Variants in LINGO2 observed in about 807,000 individuals in gnomAD.
LINGO2 encodes the protein leucine rich repeat and Ig domain containing 2, also known as leucine-rich repeat and immunoglobulin-like domain-containing nogo receptor-interacting protein 2.
LINGO2 carries 14 observed loss-of-function variants against 30.6 expected under a neutral mutation model. The observed-to-expected ratio is 0.46, with a 90% CI of 0.30 to 0.72. LINGO2 has a LOEUF of 0.72. LINGO2 is among the 30% of genes least tolerant of loss of function. The pLI is 0.07. For missense variants in LINGO2, 729 were observed against 751.7 expected, an observed-to-expected ratio of 0.97 and a Z score of 0.35; for synonymous variants, 317 against 288.5, an observed-to-expected ratio of 1.10 and a Z score of -1.00.
the LINGO2 span, among the ~76,000 whole-genome samples, chr9:29,091,130 C>T: frequency 4.1e-4 from 63 of 152,136 alleles, no homozygotes; most frequent in African/African-American, 1.4e-3. Flanking sequence ...GAAATTTAGA[C>T]TCCTGACAAT....
At chr9:28,535,702 G>A (rs1368255881) in intron 1 of LINGO2, among the ~76,000 whole-genome samples, 1 of 147,794 alleles carries the variant, frequency 6.8e-6, no homozygotes, top group East Asian at 2.0e-4. Context: ...GTACGTGCAT[G>A]CACACACACA....
rs375630044 is a variant in LINGO2, at chr9:28,250,784, G to A, written c.-87+44424C>T. Among the ~76,000 whole-genome samples the A allele has an allele frequency of 9.2e-5, 14 of 152,264 alleles. No individual in the cohort carries two copies. The East Asian group carries it at 1.9e-3, about 21-fold the overall frequency. ...CTTATGCCCTATCTGGCAGTAATAC[G>A]GCACGCTTCCCACTCCCTATTCAGG... On this transcript the variant is annotated intron_variant, in intron 4 of 5. Transcript: ENST00000379992.
In LINGO2 at chr9:28,647,162, T is replaced by G. The variant is rs537698673; in HGVS notation, c.-365+23038A>C. ...AATATGCAAATCCCATTCAATTCAG[T>G]CTTTTAATACCTCTCAAAAATGATA... On this transcript the variant is annotated intron_variant, in intron 1 of 5. Coordinates refer to ENST00000379992, the Ensembl canonical transcript of LINGO2. Among the ~76,000 whole-genome samples, 26 of 152,178 alleles carry G rather than the reference T, an allele frequency of 1.7e-4. No individual in the cohort carries two copies. The South Asian group carries it at 5.2e-3, about 30-fold the overall frequency.
At chr9:29,202,131 T>C in the LINGO2 span, among the ~76,000 whole-genome samples, 1 of 152,028 alleles carries the variant, frequency 6.6e-6, no homozygotes, top group African/African-American at 2.4e-5. Flanking sequence ...ATATAATTTT[T>C]GTCTTCCAGG....
chr9:28,846,388 T>TAAATAAATTAATAAATTATTTAGAATATA, the LINGO2 span, among the ~76,000 whole-genome samples: 13 of 149,662 alleles, frequency 8.7e-5, no homozygotes, highest in South Asian at 2.1e-4. Context: ...TTTAGAATGC[T>TAAATAAATTAATAAATTATTTAGAATATA]TTTGCCATAA....
the LINGO2 span, among the ~76,000 whole-genome samples, chr9:29,137,680 A>T: frequency 6.6e-6 from 1 of 152,124 alleles, no homozygotes; most frequent in African/African-American, 2.4e-5. Context: ...TAGCCTGAGG[A>T]TCTTTTCGGA....
chr9:28,864,165 A>G, the LINGO2 span, among the ~76,000 whole-genome samples: 1 of 152,126 alleles, frequency 6.6e-6, no homozygotes, highest in South Asian at 2.1e-4. Context: ...CTTTATACTC[A>G]TATAATCTCA....
At chr9:28,699,608 G>C in the LINGO2 span, among the ~76,000 whole-genome samples, 21 of 152,032 alleles carry the variant, frequency 1.4e-4, no homozygotes, top group Admixed American at 4.6e-4. Flanking sequence ...AGGTCTGACT[G>C]CCTGTGGGGT....
the LINGO2 span, among the ~76,000 whole-genome samples, chr9:29,177,534 G>C: frequency 1.4e-4 from 22 of 151,786 alleles, no homozygotes; most frequent in African/African-American, 5.3e-4. Context: ...CAATCTTCAG[G>C]AACCCAGAAA....
At chr9:28,479,162 G>A (rs924517625) in intron 1 of LINGO2, among the ~76,000 whole-genome samples, 1 of 151,946 alleles carries the variant, frequency 6.6e-6, no homozygotes, top group African/African-American at 2.4e-5. Flanking sequence ...TTACAAAAAT[G>A]AACTATTAAT....
At chr9:29,193,933 G>C in the LINGO2 span, among the ~76,000 whole-genome samples, 1 of 152,266 alleles carries the variant, frequency 6.6e-6, no homozygotes, top group African/African-American at 2.4e-5. Flanking sequence ...ATCCCAGAAA[G>C]CTAGGCTACC....
intron 2 of LINGO2, among the ~76,000 whole-genome samples, chr9:28,474,215 A>G (rs888338724): frequency 6.6e-6 from 1 of 152,176 alleles, no homozygotes; most frequent in Non-Finnish European, 1.5e-5. Context: ...GAAATGAACA[A>G]GTAACATTTA....
At chr9:27,950,598 G>A in exon 6 of LINGO2, 2 of 1,522,832 alleles carry the variant, frequency 1.3e-6, no homozygotes, top group Non-Finnish European at 1.8e-6. Context: ...GCAGCCAATG[G>A]TGGATCCCAT....
chr9:28,496,169 A>G (rs1171849163), intron 1 of LINGO2, among the ~76,000 whole-genome samples: 1 of 152,064 alleles, frequency 6.6e-6, no homozygotes, highest in Non-Finnish European at 1.5e-5. Flanking sequence ...GTAGATGTCT[A>G]TTAGGTCTGC....
At chr9:28,456,882 T>G (rs557896245) in intron 2 of LINGO2, among the ~76,000 whole-genome samples, 1 of 152,306 alleles carries the variant, frequency 6.6e-6, no homozygotes, top group East Asian at 1.9e-4. Context: ...TTGTGTTCAT[T>G]CCTTGTGGGA....
chr9:28,729,752 A>C, the LINGO2 span, among the ~76,000 whole-genome samples: 1 of 152,084 alleles, frequency 6.6e-6, no homozygotes, highest in African/African-American at 2.4e-5. Flanking sequence ...AATATTCCTA[A>C]AGAAATTCCA....
intron 4 of LINGO2, among the ~76,000 whole-genome samples, chr9:28,052,959 C>G (rs1824744954): frequency 6.6e-6 from 1 of 151,974 alleles, no homozygotes; most frequent in Non-Finnish European, 1.5e-5. Flanking sequence ...CATTGAGCAT[C>G]CAGTACATGT....
At chr9:28,422,744 A>T (rs1215943679) in intron 2 of LINGO2, among the ~76,000 whole-genome samples, 7 of 152,120 alleles carry the variant, frequency 4.6e-5, no homozygotes, top group Admixed American at 4.6e-4. Context: ...AGTATTATTT[A>T]CAATAGCCAA....
chr9:29,091,051 T>A, the LINGO2 span, among the ~76,000 whole-genome samples: 1 of 152,098 alleles, frequency 6.6e-6, no homozygotes, highest in Non-Finnish European at 1.5e-5. Flanking sequence ...AAGGTAATCA[T>A]GAAAATGAAA....
Sources: gnomAD v4.1 joint callset for allele counts (sites outside exome capture counted in the v4.1 genomes callset) on GRCh38, gnomAD v4.1.1 for gene constraint, MANE v1.5 for transcripts, NCBI Gene and HGNC (gene_info 2026-07-23, HGNC 2026-07-21) for gene names.